ATP9B: variants seen among roughly 807,000 people sequenced by gnomAD.
ATP9B encodes the protein probable phospholipid-transporting ATPase IIB.
In ATP9B, 110 loss-of-function variants were observed where a neutral mutation model predicts 146.1. The observed-to-expected ratio is 0.75, with a 90% CI of 0.65 to 0.88. The LOEUF is 0.88. Ranked by LOEUF, ATP9B falls within the 40% of genes least tolerant of loss-of-function variation. The pLI, the probability that ATP9B is intolerant of heterozygous loss-of-function variation, is 0.00. For missense variants in ATP9B, 1,499 were observed against 1,496.4 expected (o/e 1.00, Z -0.03); for synonymous variants, 604 against 569.7 (o/e 1.06, Z -0.86).
chr18:79,182,682 C>T (rs1039156161), intron 8 of ATP9B, among the ~76,000 whole-genome samples: 5 of 152,012 alleles, frequency 3.3e-5, no homozygotes, highest in African/African-American at 7.3e-5. Context: ...TTGTAGAAGC[C>T]CTTGATTAAT....
intron 11 of ATP9B, among the ~76,000 whole-genome samples, chr18:79,228,960 G>A (rs1294426718): frequency 6.6e-6 from 1 of 152,142 alleles, no homozygotes; most frequent in East Asian, 1.9e-4. Flanking sequence ...TCAACCAGGA[G>A]GTTGAGGCTG....
intron 26 of ATP9B, chr18:79,364,403 G>A (rs557921970): frequency 2.6e-5 from 4 of 152,270 alleles, no homozygotes; most frequent in African/African-American, 9.6e-5. Flanking sequence ...AAGATCGGTG[G>A]AACAGAAAAG....
chr18:79,177,576 C>G (rs971613347), intron 8 of ATP9B, among the ~76,000 whole-genome samples: 2 of 152,096 alleles, frequency 1.3e-5, no homozygotes, highest in African/African-American at 4.8e-5. Flanking sequence ...CTGTGTGCTC[C>G]TCTCCTTTGC....
intron 15 of ATP9B, among the ~76,000 whole-genome samples, chr18:79,307,992 A>T (rs1386581212): frequency 6.6e-6 from 1 of 152,146 alleles, no homozygotes; most frequent in Non-Finnish European, 1.5e-5. Flanking sequence ...GGCAGGGCGT[A>T]CCTTCAGTGA....
chr18:79,368,147 T>C (rs2097046723), intron 26 of ATP9B, among the ~76,000 whole-genome samples: 1 of 152,262 alleles, frequency 6.6e-6, no homozygotes, highest in Non-Finnish European at 1.5e-5. Flanking sequence ...CTGTCTGCGC[T>C]GCTTCTGCAG....
chr18:79,348,000 G>T, intron 24 of ATP9B, 75 bp downstream of exon 24: 1 of 1,603,990 alleles, frequency 6.2e-7, no homozygotes, highest in Non-Finnish European at 8.5e-7. Flanking sequence ...GGCAGGGTCC[G>T]GGAGTGGGGG....
At chr18:79,092,839 G>T (rs189518762) in intron 1 of ATP9B, among the ~76,000 whole-genome samples, 1 of 151,734 alleles carries the variant, frequency 6.6e-6, no homozygotes, top group Admixed American at 6.6e-5. Context: ...CCTGTCTGAG[G>T]CTGTTTTACA....
Position 79,337,286 on chromosome 18 carries a change from A to G in ATP9B, c.2120A>G (p.Tyr707Cys). 1 of 1,613,898 alleles carries G rather than the reference A, an allele frequency of 6.2e-7. No homozygotes were observed. Among genetic ancestry groups the G allele is most frequent in the Non-Finnish European group, 8.5e-7 (1 of 1,179,952 alleles). Residue 707 changes from tyrosine to cysteine, a missense_variant, in exon 19 of 30, where the codon TAC becomes TGC. By Grantham distance (194) the Tyr-to-Cys change is radical. Transcript: ENST00000426216. ...CTCCCCCTCTGTCCCCAGAGCCGAT[A>G]CACTCAAGCCAAGCTGAGCATGCAC... ...EEQYQDFESR[Y>C]TQAKLSMHDR...
chr18:79,181,680 A>G (rs1215782586), intron 8 of ATP9B, among the ~76,000 whole-genome samples: 2 of 151,996 alleles, frequency 1.3e-5, no homozygotes, highest in African/African-American at 4.8e-5. Context: ...CTTTTTCAGT[A>G]TCTAGTCTTC....
intron 1 of ATP9B, among the ~76,000 whole-genome samples, chr18:79,073,570 T>C (rs1481470496): frequency 3.3e-5 from 5 of 152,022 alleles, no homozygotes; most frequent in African/African-American, 1.2e-4. Flanking sequence ...TGAGCCAAGA[T>C]TGCGGCAGTA....
chr18:79,275,596 A>G (rs2096299058), intron 12 of ATP9B, among the ~76,000 whole-genome samples: 1 of 152,204 alleles, frequency 6.6e-6, no homozygotes, highest in Admixed American at 6.5e-5. Flanking sequence ...TCTCTAGCCC[A>G]TTTGTTAGGA....
At chr18:79,280,216 C>A (rs1295671026) in intron 13 of ATP9B, among the ~76,000 whole-genome samples, 1 of 151,240 alleles carries the variant, frequency 6.6e-6, no homozygotes. Flanking sequence ...TGTTCAAGAA[C>A]TAAGAGAAAC....
intron 1 of ATP9B, among the ~76,000 whole-genome samples, chr18:79,084,634 A>G (rs1290433690): frequency 6.6e-6 from 1 of 152,172 alleles, no homozygotes; most frequent in Non-Finnish European, 1.5e-5. Flanking sequence ...TGAAAACTAA[A>G]TAGTTATTAG....
intron 11 of ATP9B, among the ~76,000 whole-genome samples, chr18:79,237,736 G>A (rs1235837860): frequency 6.6e-6 from 1 of 151,532 alleles, no homozygotes; most frequent in Non-Finnish European, 1.5e-5. Flanking sequence ...ACCTGGGCTG[G>A]ATTTCAGTGG....
intron 1 of ATP9B, among the ~76,000 whole-genome samples, chr18:79,083,314 C>T (rs7243136): frequency 6.6e-6 from 1 of 152,090 alleles, no homozygotes; most frequent in South Asian, 2.1e-4. Context: ...GCGAGCATTT[C>T]AAGCCAGTGA....
chr18:79,105,563 T>C (rs1402001636), intron 2 of ATP9B, among the ~76,000 whole-genome samples: 1 of 152,222 alleles, frequency 6.6e-6, no homozygotes. Flanking sequence ...GAAAAAATTG[T>C]TCTGGTATCT....
chr18:79,250,589 A>G (rs563214007), intron 11 of ATP9B, among the ~76,000 whole-genome samples: 2 of 152,212 alleles, frequency 1.3e-5, no homozygotes, highest in African/African-American at 4.8e-5. Context: ...TTTTAATCCA[A>G]AAACCTATTT....
chr18:79,197,619 C>G (rs1360190516), intron 9 of ATP9B, among the ~76,000 whole-genome samples: 1 of 151,982 alleles, frequency 6.6e-6, no homozygotes, highest in African/African-American at 2.4e-5. Flanking sequence ...TATAATAATT[C>G]TCAGAGCAAC....
At chr18:79,351,616 A>C (rs1441151676) in intron 25 of ATP9B, among the ~76,000 whole-genome samples, 3 of 152,362 alleles carry the variant, frequency 2.0e-5, no homozygotes, top group African/African-American at 7.2e-5. Context: ...TAGAACCTAG[A>C]GGACAGTTGA....
Sources: allele counts gnomAD v4.1 joint callset (sites outside exome capture counted in the v4.1 genomes callset), GRCh38; gene constraint gnomAD v4.1.1; transcripts MANE v1.5; gene names NCBI Gene and HGNC (gene_info 2026-07-23, HGNC 2026-07-21).